BASP1: variants seen among roughly 807,000 people sequenced by gnomAD.
BASP1 encodes brain acid soluble protein 1.
BASP1 carries 1 observed loss-of-function variant against 2.2 expected under a neutral mutation model. That is an observed-to-expected ratio of 0.46 (90% confidence interval 0.16 to 2.17). BASP1 has a LOEUF of 2.17. Among genes scored for constraint, BASP1 ranks in the 30% most tolerant of loss-of-function variants. The pLI, the probability that BASP1 is intolerant of heterozygous loss-of-function variation, is 0.27. For synonymous variants in BASP1, 187 were observed against 154.2 expected, an observed-to-expected ratio of 1.21 and a Z score of -1.58; for missense variants, 352 against 327.2, an observed-to-expected ratio of 1.08 and a Z score of -0.58.
intron 1 of BASP1, among the ~76,000 whole-genome samples, chr5:17,266,721 G>A (rs952175657): frequency 4.0e-5 from 6 of 149,766 alleles, no homozygotes; most frequent in Admixed American, 1.4e-4. Flanking sequence ...GCTGAGGCAC[G>A]AGAATCACTT....
Position 17,275,428 on chromosome 5 carries a change from G to A in BASP1, c.212G>A (p.Gly71Asp). Residue 71 changes from glycine (G) to aspartate (D), a missense_variant, in exon 2 of 2, where the codon GGC becomes GAC. Transcript: ENST00000322611. The surrounding 1 kb of genome is among the most constrained non-coding windows in gnomAD (Gnocchi z 5.3). The part of the protein sequence containing the change: ...DAEGKAEEKE[G>D]EKDAAAAKEE... ...GAGGGCAAGGCCGAGGAGAAGGAGG[G>A]CGAGAAGGACGCGGCGGCTGCCAAG... 6.5e-7 allele frequency: 1 copy of A among 1,543,700 alleles called. No individual in the cohort carries two copies.
In BASP1 at chr5:17,275,507, G is replaced by A; in HGVS notation, c.291G>A (p.Lys97=). The part of the protein sequence containing the change: ...PEKTEGAAEA[K]AEPPKAPEQE... ...AGACGGAGGGCGCGGCAGAGGCCAA[G>A]GCTGAGCCCCCGAAGGCGCCCGAGC... The change falls in exon 2 of 2, where the codon AAG becomes AAA. Residue 97 remains lysine (K), a synonymous_variant. Transcript: ENST00000322611. The surrounding 1 kb of genome is among the most constrained non-coding windows in gnomAD (Gnocchi z 5.3). 1.4e-6 allele frequency: 2 copies of A among 1,455,944 alleles called. No individual in the cohort carries two copies. The highest frequency in any genetic ancestry group is 1.8e-6 in the Non-Finnish European group (2 of 1,108,154). The allele number at this position is 1,455,944 out of a possible 1,614,324, so 90.2% of individuals were successfully genotyped here. A position where few individuals can be genotyped will look rare whatever the true frequency, so the allele number is the denominator to read the frequency against.
upstream of BASP1, chr5:17,217,095 A>AGAGAGAGAGAGAGAGAGAGAGAGG (rs1554025522): frequency 7.6e-6 from 1 of 131,142 alleles, no homozygotes; most frequent in African/African-American, 3.1e-5. Context: ...AGAGAGAGAG[A>AGAGAGAGAGAGAGAGAGAGAGAGG]GTGAGTGAGA....
At chr5:17,273,450 T>A (rs1294125851) in intron 1 of BASP1, among the ~76,000 whole-genome samples, 1 of 152,166 alleles carries the variant, frequency 6.6e-6, no homozygotes, top group African/African-American at 2.4e-5. Flanking sequence ...AAGACCTTTC[T>A]TGAGAATATG....
chr5:17,254,751 C>A (rs184551452), intron 1 of BASP1, among the ~76,000 whole-genome samples: 3 of 152,234 alleles, frequency 2.0e-5, no homozygotes, highest in Non-Finnish European at 4.4e-5. Flanking sequence ...ATGTACCATG[C>A]TTAGGACTGA....
chr5:17,221,365 GTTT>G (rs35430036), intron 1 of BASP1, among the ~76,000 whole-genome samples: 70 of 121,002 alleles, frequency 5.8e-4, no homozygotes, highest in African/African-American at 1.8e-3. Flanking sequence ...TCTTGTAAAT[GTTT>G]TTTTTTTTTT....
In BASP1 at chr5:17,256,884, G is replaced by GA. The variant is rs958113959; in HGVS notation, c.-9-18315dup. 5.3e-5 allele frequency among the ~76,000 whole-genome samples: 8 copies of GA among 150,926 alleles called. No homozygotes were observed. The South Asian group carries it at 8.4e-4, about 16-fold the overall frequency. On this transcript the variant is annotated intron_variant, in intron 1 of 1. Transcript: ENST00000322611. ...ATATAGGATTTTATAGCTGTGGGTG[G>GA]AAAAAAAAATATTTCTAGGGAAAAG...
In BASP1 at chr5:17,252,686, C is replaced by G. The variant is rs75632279; in HGVS notation, c.-9-22522C>G. ...AAGAAACAAAAAGACTATCTTGTTT[C>G]CCAATCTTAAAAAGTTCCCATGTGA... On this transcript the variant is annotated intron_variant, in intron 1 of 1. Transcript: ENST00000322611. Among the ~76,000 whole-genome samples, 378 of 152,282 alleles carry G rather than the reference C, an allele frequency of 2.5e-3. 7 individuals carry two copies. The East Asian group carries it at 0.052, about 21-fold the overall frequency.
chr5:17,258,762 C>A (rs1561174034), intron 1 of BASP1, among the ~76,000 whole-genome samples: 1 of 152,128 alleles, frequency 6.6e-6, no homozygotes, highest in Non-Finnish European at 1.5e-5. Flanking sequence ...AATGTCACAG[C>A]CCTCTGGGAT....
rs559546930 is a variant in BASP1, at chr5:17,227,351, C to T, written c.-10+9541C>T. ...TCTCGTGCCTCAGCCTCCCTAGTAG[C>T]TGGGACTACAGGTGTACGCCACCAA... On this transcript the variant is annotated intron_variant, in intron 1 of 1. Coordinates refer to ENST00000322611, the MANE Select transcript of BASP1 (RefSeq NM_006317.5). 2.0e-5 allele frequency among the ~76,000 whole-genome samples: 3 copies of T among 151,636 alleles called. No homozygotes were observed. The East Asian group carries it at 5.8e-4, about 29-fold the overall frequency.
At position 17,239,449 on chromosome 5, in the gene BASP1, G is replaced by T. The variant is rs1017451356; in HGVS notation, c.-10+21639G>T. ...GTGGAAATTCTCCCTATTCACTACGGTAAATAATTCTTGAGGTTACTAAAC... is the reference window on the plus strand; with the variant it reads ...GTGGAAATTCTCCCTATTCACTACGTTAAATAATTCTTGAGGTTACTAAAC... On this transcript the variant is annotated intron_variant, in intron 1 of 1. Coordinates refer to ENST00000322611, the MANE Select transcript of BASP1 (RefSeq NM_006317.5). Among the ~76,000 whole-genome samples the T allele has an allele frequency of 7.9e-5, 12 of 152,228 alleles. No individual in the cohort carries two copies. The East Asian group carries it at 1.5e-3, about 20-fold the overall frequency.
At chr5:17,242,567 T>G (rs1315581152) in intron 1 of BASP1, among the ~76,000 whole-genome samples, 2 of 152,194 alleles carry the variant, frequency 1.3e-5, no homozygotes, top group Non-Finnish European at 2.9e-5. Flanking sequence ...TTGGACAAAT[T>G]TATAATGACA....
chr5:17,246,896 A>G (rs1740001529), intron 1 of BASP1, among the ~76,000 whole-genome samples: 1 of 152,178 alleles, frequency 6.6e-6, no homozygotes, highest in African/African-American at 2.4e-5. Flanking sequence ...TCACCTTATA[A>G]AAGTCATTTG....
At chr5:17,221,176 A>G (rs1461034563) in intron 1 of BASP1, among the ~76,000 whole-genome samples, 1 of 152,190 alleles carries the variant, frequency 6.6e-6, no homozygotes, top group African/African-American at 2.4e-5. Context: ...GGGAAAGCCT[A>G]GCAAGTCTAT....
At chr5:17,237,486 G>T (rs960370340) in intron 1 of BASP1, among the ~76,000 whole-genome samples, 1 of 152,170 alleles carries the variant, frequency 6.6e-6, no homozygotes, top group East Asian at 1.9e-4. Context: ...TAGTGACTTC[G>T]GTATGGCTCA....
chr5:17,261,619 C>G (rs1279953541), intron 1 of BASP1, among the ~76,000 whole-genome samples: 1 of 152,132 alleles, frequency 6.6e-6, no homozygotes, highest in African/African-American at 2.4e-5. Flanking sequence ...CTTCTCTCCC[C>G]CCCACCGTCT....
chr5:17,223,371 A>G (rs531682471), intron 1 of BASP1, among the ~76,000 whole-genome samples: 133 of 152,318 alleles, frequency 8.7e-4, no homozygotes, highest in African/African-American at 2.8e-3. Flanking sequence ...TATTCAGTGC[A>G]TCTTTTTAAA....
intron 1 of BASP1, among the ~76,000 whole-genome samples, chr5:17,221,366 T>TA: frequency 1.8e-5 from 1 of 54,564 alleles, no homozygotes; most frequent in South Asian, 4.6e-4. Context: ...CTTGTAAATG[T>TA]TTTTTTTTTT....
intron 1 of BASP1, among the ~76,000 whole-genome samples, chr5:17,218,720 G>T (rs1308960711): frequency 1.3e-5 from 2 of 152,010 alleles, no homozygotes; most frequent in African/African-American, 2.4e-5. Context: ...GCTGAAACCC[G>T]GCGCCCGGTT....
Sources: gnomAD v4.1 joint callset for allele counts (sites outside exome capture counted in the v4.1 genomes callset) on GRCh38, gnomAD v4.1.1 for gene constraint, Gnocchi (gnomAD v3.1) non-coding constraint, MANE v1.5 for transcripts, NCBI Gene and HGNC (gene_info 2026-07-23, HGNC 2026-07-21) for gene names.